SLC9A1: variants seen among roughly 807,000 people sequenced by gnomAD.
SLC9A1 encodes sodium/hydrogen exchanger 1.
In SLC9A1, 22 loss-of-function variants were observed where a neutral mutation model predicts 67.9. That is an observed-to-expected ratio of 0.32 (90% confidence interval 0.23 to 0.46). The LOEUF (loss-of-function observed/expected upper bound fraction) is 0.46, where lower values mean the gene tolerates loss of function less well. SLC9A1 is among the 20% of genes least tolerant of loss of function. The probability of loss-of-function intolerance (pLI) is 1.00; values close to 1 mark genes in which losing one functional copy is unlikely to be tolerated. For missense variants in SLC9A1, 686 were observed against 1,094.8 expected (o/e 0.63, Z 5.27); for synonymous variants, 421 against 471.8 (o/e 0.89, Z 1.40).
chr1:27,147,472 CAG>C (rs1341044647), intron 1 of SLC9A1, among the ~76,000 whole-genome samples: 1 of 150,396 alleles, frequency 6.6e-6, no homozygotes, highest in Non-Finnish European at 1.5e-5. Context: ...GCCTGGGCGA[CAG>C]AGTGAGACTC....
intron 1 of SLC9A1, among the ~76,000 whole-genome samples, chr1:27,124,584 G>A (rs922898586): frequency 4.6e-5 from 7 of 152,212 alleles, no homozygotes; most frequent in Admixed American, 3.3e-4. Flanking sequence ...CAAGGAATGC[G>A]GGGGACCGCA....
intron 3 of SLC9A1, 79 bp from the exon 4 acceptor site, chr1:27,107,944 G>T: frequency 1.9e-6 from 2 of 1,063,982 alleles, no homozygotes; most frequent in Non-Finnish European, 2.8e-6. Flanking sequence ...GGGGCAATGG[G>T]GCCACGACCA....
intron 1 of SLC9A1, among the ~76,000 whole-genome samples, chr1:27,116,617 A>C (rs2083273948): frequency 6.6e-6 from 1 of 152,144 alleles, no homozygotes; most frequent in Non-Finnish European, 1.5e-5. Flanking sequence ...TTCCAAAATC[A>C]CCCCTTTTGC....
At chr1:27,124,095 C>T (rs1472333107) in intron 1 of SLC9A1, among the ~76,000 whole-genome samples, 1 of 152,138 alleles carries the variant, frequency 6.6e-6, no homozygotes, top group Non-Finnish European at 1.5e-5. Flanking sequence ...CTATCCCTGG[C>T]CTGTCCTTGC....
At chr1:27,113,457 T>TA (rs1402233653) in intron 2 of SLC9A1, among the ~76,000 whole-genome samples, 2 of 152,016 alleles carry the variant, frequency 1.3e-5, no homozygotes, top group African/African-American at 4.8e-5. Context: ...CCCTGTCTCT[T>TA]AAAAAACAAA....
At chr1:27,151,708 G>C (rs1456296127) in intron 1 of SLC9A1, among the ~76,000 whole-genome samples, 2 of 152,176 alleles carry the variant, frequency 1.3e-5, no homozygotes, top group East Asian at 3.8e-4. Context: ...CAGAGATGCT[G>C]CTAAGTGGCA....
At position 27,106,936 on chromosome 1, in the gene SLC9A1, C is replaced by T. The variant is rs1349433580; in HGVS notation, c.1282+712G>A. Reference sequence around the variant, plus strand: ...CCCCTCACTTTGACACAGCCTGACTCTGTCCCCAGAGACCACAGCCTTGCT... The same window carrying T: ...CCCCTCACTTTGACACAGCCTGACTTTGTCCCCAGAGACCACAGCCTTGCT... On this transcript the variant is annotated intron_variant, in intron 4 of 11. Coordinates refer to ENST00000263980, the MANE Select transcript of SLC9A1 (RefSeq NM_003047.5). This position sits in a 1 kb window ranked among gnomAD's most constrained non-coding sequence, Gnocchi z 4.3. Among the ~76,000 whole-genome samples the T allele has an allele frequency of 6.6e-6, 1 of 151,876 alleles. No homozygotes were observed. The highest frequency in any genetic ancestry group is 1.9e-4 in the East Asian group (1 of 5,168).
In SLC9A1 at chr1:27,101,691, G is replaced by T; in HGVS notation, c.2037+34C>A. The stretch of plus-strand genomic sequence containing the variant: ...GTGGCGGAGCTTGGGCGAGTGGGGT[G>T]GGATACAGATTCCCAGAGGAAGGCA... On this transcript the variant is annotated intron_variant, in intron 10 of 11. Coordinates refer to ENST00000263980, the MANE Select transcript of SLC9A1 (RefSeq NM_003047.5). This position sits in a 1 kb window ranked among gnomAD's most constrained non-coding sequence, Gnocchi z 4.9. The T allele has an allele frequency of 6.9e-7, 1 of 1,451,654 alleles. No homozygotes were observed. The highest frequency in any genetic ancestry group is 1.2e-5 in the South Asian group (1 of 86,154). 89.9% of individuals were successfully genotyped at this position (1,451,654 alleles called of 1,614,324 possible). A position where few individuals can be genotyped will look rare whatever the true frequency, so the allele number is the denominator to read the frequency against.
At chr1:27,115,919 G>A (rs1306890682) in intron 1 of SLC9A1, among the ~76,000 whole-genome samples, 1 of 152,086 alleles carries the variant, frequency 6.6e-6, no homozygotes, top group Non-Finnish European at 1.5e-5. Flanking sequence ...CAAGATTTCC[G>A]ATAACCTGCA....
chr1:27,146,069 G>A (rs1051790564), intron 1 of SLC9A1, among the ~76,000 whole-genome samples: 4 of 152,206 alleles, frequency 2.6e-5, no homozygotes, highest in African/African-American at 7.2e-5. Flanking sequence ...ACCTTGGGGA[G>A]ACATGCCTGA....
rs2083129134 is a variant in SLC9A1, at chr1:27,100,110, G to A, written c.*197C>T. 2.1e-6 allele frequency: 1 copy of A among 477,906 alleles called. No individual in the cohort carries two copies. The highest frequency in any genetic ancestry group is 3.7e-6 in the Non-Finnish European group (1 of 272,946). 29.6% of individuals were successfully genotyped at this position (477,906 alleles called of 1,614,324 possible). A position where few individuals can be genotyped will look rare whatever the true frequency, so the allele number is the denominator to read the frequency against. On this transcript the variant is annotated 3_prime_UTR_variant, in exon 12 of 12. Coordinates refer to ENST00000263980, the MANE Select transcript of SLC9A1 (RefSeq NM_003047.5). This position sits in a 1 kb window ranked among gnomAD's most constrained non-coding sequence, Gnocchi z 5.6. ...TTCTGCCAAATGGATTGGGGAGGCA[G>A]CTCTGGTGGGGAGGATGCTTCCCGG...
intron 7 of SLC9A1, 34 bp downstream of exon 7, chr1:27,102,639 C>G (rs1218725237): frequency 6.2e-7 from 1 of 1,612,278 alleles, no homozygotes; most frequent in East Asian, 2.2e-5. Context: ...CCTTGCCTGC[C>G]CCTCCCTGCC....
intron 1 of SLC9A1, among the ~76,000 whole-genome samples, chr1:27,115,997 C>T (rs1281490245): frequency 2.6e-5 from 4 of 152,194 alleles, no homozygotes; most frequent in Non-Finnish European, 5.9e-5. Context: ...GAACTTCCCT[C>T]TCCATGCCCA....
chr1:27,101,033 C>T lies in SLC9A1; in HGVS notation c.2110+170G>A, dbSNP rs1282331113. 6.6e-6 allele frequency among the ~76,000 whole-genome samples: 1 copy of T among 152,212 alleles called. No homozygotes were observed. The highest frequency in any genetic ancestry group is 2.4e-5 in the African/African-American group (1 of 41,466). Reference sequence around the variant, plus strand: ...GTCCTCGCCCGGAACGTCTCTCTCCCTAGGGATGGCCCCTGACGTAGAAGC... The same window carrying T: ...GTCCTCGCCCGGAACGTCTCTCTCCTTAGGGATGGCCCCTGACGTAGAAGC... On this transcript the variant is annotated intron_variant, in intron 11 of 11. Transcript: ENST00000263980. This position sits in a 1 kb window ranked among gnomAD's most constrained non-coding sequence, Gnocchi z 4.9.
At chr1:27,123,899 T>C (rs2083322573) in intron 1 of SLC9A1, among the ~76,000 whole-genome samples, 1 of 151,864 alleles carries the variant, frequency 6.6e-6, no homozygotes, top group South Asian at 2.1e-4. Context: ...CGATCTTGGC[T>C]CACTGCAACC....
At chr1:27,128,039 G>A (rs891379856) in intron 1 of SLC9A1, among the ~76,000 whole-genome samples, 2 of 152,182 alleles carry the variant, frequency 1.3e-5, no homozygotes, top group African/African-American at 4.8e-5. Flanking sequence ...TCTGCAGCTG[G>A]ACAAAGTCGG....
At chr1:27,144,682 T>C (rs1371298533) in intron 1 of SLC9A1, among the ~76,000 whole-genome samples, 1 of 152,148 alleles carries the variant, frequency 6.6e-6, no homozygotes, top group East Asian at 1.9e-4. Context: ...CCCAAATATT[T>C]ATGGAGCCTT....
At chr1:27,127,674 C>T (rs532123277) in intron 1 of SLC9A1, among the ~76,000 whole-genome samples, 22 of 152,188 alleles carry the variant, frequency 1.4e-4, no homozygotes, top group South Asian at 4.1e-4. Flanking sequence ...AGGGAGACAG[C>T]GCTGGCCACC....
chr1:27,111,616 T>C (rs1156783172), intron 2 of SLC9A1, among the ~76,000 whole-genome samples: 1 of 151,096 alleles, frequency 6.6e-6, no homozygotes, highest in African/African-American at 2.4e-5. Context: ...GGCAACATAA[T>C]GAGACCCCAT....
Sources: allele counts gnomAD v4.1 joint callset (sites outside exome capture counted in the v4.1 genomes callset), GRCh38; gene constraint gnomAD v4.1.1; non-coding constraint Gnocchi (gnomAD v3.1); transcripts MANE v1.5; gene names NCBI Gene and HGNC (gene_info 2026-07-23, HGNC 2026-07-21).